Variants in TLDC2 observed in about 807,000 individuals in gnomAD.
TLDC2 encodes TLD domain-containing protein 2.
TLDC2 carries 23 observed loss-of-function variants against 27.9 expected under a neutral mutation model. The ratio of observed to expected loss-of-function variants is 0.82; its 90% CI spans 0.59 to 1.17. The LOEUF (loss-of-function observed/expected upper bound fraction) is 1.17. Ranked by LOEUF, TLDC2 falls within the 50% of genes most tolerant of loss-of-function variation. The pLI is 0.00. For missense variants in TLDC2, 286 were observed against 273.4 expected (o/e 1.05, Z -0.32); for synonymous variants, 124 against 107.4 (o/e 1.16, Z -0.96).
chr20:36,880,073 A>ATATATATATATATATATATATG (rs1989772293), intron 3 of TLDC2, among the ~76,000 whole-genome samples: 3 of 40,574 alleles, frequency 7.4e-5, no homozygotes, highest in African/African-American at 1.8e-4. Flanking sequence ...ATATATACAT[A>ATATATATATATATATATATATG]TATATATATA....
intron 6 of TLDC2, chr20:36,889,834 T>C (rs1248323612): frequency 2.0e-5 from 3 of 153,244 alleles, no homozygotes; most frequent in African/African-American, 7.2e-5. Context: ...GTTAAAAAAA[T>C]TAAAATTGCC....
chr20:36,887,520 C>A lies in TLDC2; in HGVS notation c.504C>A (p.Gly168=). ...VKGDLDSLMM[G]SGSGRFGLWL... ...GAGACTTGGATTCACTGATGATGGGCAGTGGCAGGTGAGTGTCTCAGTCTT... is the reference window on the plus strand; with the variant it reads ...GAGACTTGGATTCACTGATGATGGGAAGTGGCAGGTGAGTGTCTCAGTCTT... Residue 168 remains glycine (G), a synonymous_variant, in exon 5 of 7, where the codon GGC becomes GGA. Coordinates refer to ENST00000217320, the MANE Select transcript of TLDC2 (RefSeq NM_080628.3). 1.4e-5 allele frequency: 22 copies of A among 1,614,036 alleles called. No individual in the cohort carries two copies. Among genetic ancestry groups the A allele is most frequent in the Non-Finnish European group, 1.9e-5 (22 of 1,179,888 alleles).
chr20:36,886,802 G>A, intron 4 of TLDC2, among the ~76,000 whole-genome samples: 1 of 152,112 alleles, frequency 6.6e-6, no homozygotes, highest in Non-Finnish European at 1.5e-5. Flanking sequence ...CACTGCGCCA[G>A]TCCCAGGCTG....
At chr20:36,887,561 G>T (rs371597800) in intron 5 of TLDC2, 33 bp downstream of exon 5, 2 of 1,600,040 alleles carry the variant, frequency 1.2e-6, no homozygotes, top group Admixed American at 1.7e-5. Context: ...GTCTTGGGGC[G>T]GTCTGTGTTC....
At chr20:36,883,498 C>A (rs1438648980) in intron 4 of TLDC2, among the ~76,000 whole-genome samples, 2 of 152,098 alleles carry the variant, frequency 1.3e-5, no homozygotes, top group African/African-American at 4.8e-5. Context: ...CCGCACAAAG[C>A]CTCCTCCTCC....
chr20:36,889,914 T>TG (rs1275393545), intron 6 of TLDC2: 1 of 152,142 alleles, frequency 6.6e-6, no homozygotes, highest in Non-Finnish European at 1.5e-5. Context: ...CATGAATGTG[T>TG]GTGTGTGTGT....
intron 4 of TLDC2, 137 bp from the exon 5 acceptor site, chr20:36,887,318 C>T (rs1989942001): frequency 9.4e-6 from 7 of 746,082 alleles, no homozygotes; most frequent in South Asian, 3.1e-5. Context: ...TCCCTGAGCC[C>T]GGAGTCCCAC....
chr20:36,879,657 C>T (rs1989756375), intron 3 of TLDC2, among the ~76,000 whole-genome samples: 1 of 151,894 alleles, frequency 6.6e-6, no homozygotes, highest in African/African-American at 2.4e-5. Context: ...GACAACATAG[C>T]CAGACCCTGT....
intron 1 of TLDC2, among the ~76,000 whole-genome samples, chr20:36,876,909 A>G (rs575622140): frequency 6.6e-6 from 1 of 152,288 alleles, no homozygotes; most frequent in African/African-American, 2.4e-5. Flanking sequence ...TACACTCAAT[A>G]CCTCCACACA....
chr20:36,880,836 C>G, intron 4 of TLDC2, 86 bp downstream of exon 4: 3 of 1,197,410 alleles, frequency 2.5e-6, no homozygotes, highest in Non-Finnish European at 3.7e-6. Context: ...GCTCCATCCT[C>G]CACGATGGGC....
Position 36,893,630 on chromosome 20 carries a change from T to C in TLDC2, c.*786T>C, listed in dbSNP as rs887276144. 2 of 366,568 alleles carry C rather than the reference T, an allele frequency of 5.5e-6. No individual in the cohort carries two copies. Among genetic ancestry groups the C allele is most frequent in the Non-Finnish European group, 9.7e-6 (2 of 206,462 alleles). The allele number at this position is 366,568 out of a possible 1,614,324, so 22.7% of individuals were successfully genotyped here. Reference sequence around the variant, plus strand: ...GAGGCGATACAATGACGTGAAACCATAGAGGTAAGAAGCAAGGCCTCCTAA... The same window carrying C: ...GAGGCGATACAATGACGTGAAACCACAGAGGTAAGAAGCAAGGCCTCCTAA... On this transcript the variant is annotated 3_prime_UTR_variant, in exon 7 of 7. Transcript: ENST00000217320.
rs1555828527 is a variant in TLDC2 at position 36,880,073 on chromosome 20, A to ATATATATATATG, written c.343-571_343-570insGTATATATATAT. 4.4e-4 allele frequency among the ~76,000 whole-genome samples: 18 copies of ATATATATATATG among 40,574 alleles called. 1 individual carries two copies. The highest frequency in any genetic ancestry group is 1.1e-3 in the African/African-American group (18 of 16,602). The allele number at this position is 40,574 out of a possible 152,430, so 26.6% of individuals were successfully genotyped here. On this transcript the variant is annotated intron_variant, in intron 3 of 6. Coordinates refer to ENST00000217320, the MANE Select transcript of TLDC2 (RefSeq NM_080628.3). ...ACTTGTGTAGAATATATATATACAT[A>ATATATATATATG]TATATATATATATATATATATATAT...
rs1257793238 is a variant in TLDC2 at position 36,876,339 on chromosome 20, G to T, written c.33+132G>T. ...CCCCTCTCAAGTCCCTCCCTGGCAG[G>T]CCTGTGGTTTGGAGCAAGGACTGAC... is the stretch of plus-strand genomic sequence containing the variant. On this transcript the variant is annotated intron_variant, in intron 1 of 6. Coordinates refer to ENST00000217320, the MANE Select transcript of TLDC2 (RefSeq NM_080628.3). 5 of 1,253,716 alleles carry T rather than the reference G, an allele frequency of 4.0e-6. No individual in the cohort carries two copies. The East Asian group carries it at 7.1e-5, about 18-fold the overall frequency. The allele number at this position is 1,253,716 out of a possible 1,614,324, so 77.7% of individuals were successfully genotyped here.
Position 36,894,120 on chromosome 20 carries a change from C to T in TLDC2, c.*1276C>T, listed in dbSNP as rs1990148625. The stretch of plus-strand genomic sequence containing the variant: ...AGCTTCCTGCTGTTGAATCACTGTC[C>T]TCTATGCTCATTTAGCTCTGCCAAA... On this transcript the variant is annotated 3_prime_UTR_variant, in exon 7 of 7. Transcript: ENST00000217320. The T allele has an allele frequency of 2.5e-6, 1 of 395,884 alleles. No homozygotes were observed. Among genetic ancestry groups the T allele is most frequent in the African/African-American group, 2.1e-5 (1 of 48,580 alleles). 24.5% of individuals were successfully genotyped at this position (395,884 alleles called of 1,614,324 possible).
Position 36,892,909 on chromosome 20 carries a change from T to A in TLDC2, c.*65T>A. 3 of 1,613,982 alleles carry A rather than the reference T, an allele frequency of 1.9e-6. No homozygotes were observed. The highest frequency in any genetic ancestry group is 2.5e-6 in the Non-Finnish European group (3 of 1,179,926). On this transcript the variant is annotated 3_prime_UTR_variant, in exon 7 of 7. Coordinates refer to ENST00000217320, the MANE Select transcript of TLDC2 (RefSeq NM_080628.3). ...AATGAATTGTGCAGGAGAGGGAGTT[T>A]GTAAACAACTGACTACAGACATTCA...
At chr20:36,891,220 G>A (rs1404250346) in intron 6 of TLDC2, 2 of 152,284 alleles carry the variant, frequency 1.3e-5, no homozygotes, top group Non-Finnish European at 2.9e-5. Flanking sequence ...ATTATCTACT[G>A]ATGGATGGAC....
At position 36,876,203 on chromosome 20, in the gene TLDC2, G is replaced by A. The variant is rs779580856; in HGVS notation, c.29G>A (p.Arg10Gln). 18 of 1,614,028 alleles carry A rather than the reference G, an allele frequency of 1.1e-5. No individual in the cohort carries two copies. In the East Asian group the frequency reaches 1.8e-4, roughly 16 times the overall value. Residue 10 changes from arginine (R) to glutamine (Q), a missense_variant, in exon 1 of 7, where the codon CGG becomes CAG. Transcript: ENST00000217320. The stretch of plus-strand genomic sequence containing the variant: ...AGAGGCCTCCGCTGGCGTTACACTC[G>A]GCTGGTAAGGGTTCCAACTCCGTCT... MRGLRWRYT[R>Q]LPSQVEDTLS...
chr20:36,886,692 CA>C (rs1214099154), intron 4 of TLDC2, among the ~76,000 whole-genome samples: 1 of 152,230 alleles, frequency 6.6e-6, no homozygotes, highest in East Asian at 1.9e-4. Context: ...CTCCTGGCCT[CA>C]AGTGATCCTC....
intron 1 of TLDC2, among the ~76,000 whole-genome samples, chr20:36,877,394 AAAGG>A (rs1989695535): frequency 6.6e-6 from 1 of 150,382 alleles, no homozygotes; most frequent in African/African-American, 2.4e-5. Flanking sequence ...AAAAAAAAAA[AAAGG>A]AAAAAGAAAA....
Sources: allele counts gnomAD v4.1 joint callset (sites outside exome capture counted in the v4.1 genomes callset), GRCh38; gene constraint gnomAD v4.1.1; transcripts MANE v1.5; gene names NCBI Gene and HGNC (gene_info 2026-07-23, HGNC 2026-07-21).